Variants in WDFY4 observed in about 807,000 individuals in gnomAD.
The protein encoded by WDFY4 is WD repeat- and FYVE domain-containing protein 4.
In WDFY4, 169 loss-of-function variants were observed where a neutral mutation model predicts 351.9. The ratio of observed to expected loss-of-function variants is 0.48; its 90% confidence interval spans 0.42 to 0.55. WDFY4 has a LOEUF of 0.55. WDFY4 is among the 20% of genes least tolerant of loss of function. The pLI, the probability that WDFY4 is intolerant of heterozygous loss-of-function variation, is 0.00. For missense variants in WDFY4, 3,803 were observed against 3,935.6 expected (o/e 0.97, Z 0.90); for synonymous variants, 1,622 against 1,574.6 (o/e 1.03, Z -0.71).
At chr10:48,901,205 A>G (rs1054295232) in intron 46 of WDFY4, among the ~76,000 whole-genome samples, 14 of 152,382 alleles carry the variant, frequency 9.2e-5, no homozygotes, top group Admixed American at 9.1e-4. Flanking sequence ...GAGCCTGCTC[A>G]TGCGGTTCTT....
intron 26 of WDFY4, among the ~76,000 whole-genome samples, 184 bp from the exon 27 acceptor site, chr10:48,805,820 G>A (rs1055855936): frequency 6.6e-6 from 1 of 152,186 alleles, no homozygotes. Context: ...GCCAGAGTTA[G>A]CGTCTCTGGT....
chr10:48,822,680 C>G (rs1424627669), intron 35 of WDFY4, 143 bp downstream of exon 35: 1 of 1,077,360 alleles, frequency 9.3e-7, no homozygotes, highest in Non-Finnish European at 1.2e-6. Context: ...GCCCTTTAGT[C>G]CCAGGTAATA....
At chr10:48,749,572 G>A (rs11101455) in intron 12 of WDFY4, among the ~76,000 whole-genome samples, 1,697 of 152,208 alleles carry the variant, frequency 0.011, 30 homozygotes, top group African/African-American at 0.038. Context: ...ACCATAGAAT[G>A]GAGTGCTTAC....
chr10:48,784,088 A>G (rs961493233), intron 19 of WDFY4, among the ~76,000 whole-genome samples: 3 of 152,206 alleles, frequency 2.0e-5, no homozygotes, highest in African/African-American at 7.2e-5. Context: ...TTAGTCATTT[A>G]TCCATTGAAA....
chr10:48,771,848 A>G (rs752936543), intron 13 of WDFY4, among the ~76,000 whole-genome samples: 6 of 152,224 alleles, frequency 3.9e-5, no homozygotes, highest in Non-Finnish European at 7.3e-5. Flanking sequence ...TTGAGAAAGA[A>G]TAGGAAGAGA....
intron 57 of WDFY4, among the ~76,000 whole-genome samples, chr10:48,972,731 A>G (rs1354795425): frequency 6.6e-6 from 1 of 152,238 alleles, no homozygotes; most frequent in Non-Finnish European, 1.5e-5. Flanking sequence ...AATTATGTAC[A>G]GTGACATGGT....
chr10:48,956,253 T>A (rs898383875), intron 51 of WDFY4, among the ~76,000 whole-genome samples: 1 of 152,252 alleles, frequency 6.6e-6, no homozygotes, highest in Non-Finnish European at 1.5e-5. Flanking sequence ...CCAGGCCACC[T>A]GTGGCCATGG....
intron 33 of WDFY4, 54 bp downstream of exon 33, chr10:48,820,491 C>A (rs1392713995): frequency 6.6e-7 from 1 of 1,526,574 alleles, no homozygotes; most frequent in Non-Finnish European, 8.9e-7. Context: ...GCCGGCATAC[C>A]GGCACTGCAA....
At chr10:48,734,901 G>A (rs981392257) in intron 10 of WDFY4, among the ~76,000 whole-genome samples, 16 of 150,266 alleles carry the variant, frequency 1.1e-4, no homozygotes, top group Non-Finnish European at 2.4e-4. Flanking sequence ...TCAACCTCCC[G>A]AGTAGCTGGG....
rs190088975 is a variant in WDFY4, at chr10:48,780,536, G to A, written c.3576+417G>A. ...AACGCAGCTCATCTTTGCACCACAC[G>A]GAGGAGCAGGACACTAGAGTGGGCA... is the stretch of plus-strand genomic sequence containing the variant. On this transcript the variant is annotated intron_variant, in intron 19 of 61. Coordinates refer to ENST00000325239, the MANE Select transcript of WDFY4 (RefSeq NM_001394531.1). Among the ~76,000 whole-genome samples, 10 of 152,338 alleles carry A rather than the reference G, an allele frequency of 6.6e-5. No individual in the cohort carries two copies. The East Asian group carries it at 1.7e-3, about 26-fold the overall frequency.
intron 47 of WDFY4, among the ~76,000 whole-genome samples, chr10:48,915,697 C>T (rs181479739): frequency 1.6e-4 from 24 of 152,296 alleles, no homozygotes; most frequent in African/African-American, 5.5e-4. Flanking sequence ...CCACTGTCAC[C>T]ACTCATAGCT....
rs1840889407 is a variant in WDFY4, at chr10:48,943,511, C to A, written c.7749+62C>A. On this transcript the variant is annotated intron_variant, in intron 49 of 61. Transcript: ENST00000325239. ...GTGTTCGGACGTTGATAACAGAGACCCTAAGTCAGCATGCAGAGCCTCTGC... is the reference window on the plus strand; with the variant it reads ...GTGTTCGGACGTTGATAACAGAGACACTAAGTCAGCATGCAGAGCCTCTGC... 4 of 1,505,050 alleles carry A rather than the reference C, an allele frequency of 2.7e-6. No individual in the cohort carries two copies. The African/African-American group carries it at 4.2e-5, about 16-fold the overall frequency. 93.2% of individuals were successfully genotyped at this position (1,505,050 alleles called of 1,614,324 possible).
intron 13 of WDFY4, among the ~76,000 whole-genome samples, chr10:48,764,692 AG>A (rs2065613371): frequency 6.6e-6 from 1 of 152,252 alleles, no homozygotes; most frequent in South Asian, 2.1e-4. Flanking sequence ...AGTTTAGCAG[AG>A]GTTGGAGCCA....
chr10:48,846,391 T>A (rs553687733), intron 39 of WDFY4, among the ~76,000 whole-genome samples: 1 of 152,312 alleles, frequency 6.6e-6, no homozygotes, highest in Admixed American at 6.5e-5. Context: ...CGGTGTGGCC[T>A]CCTCTGTGGG....
chr10:48,932,665 A>C (rs1259930688), intron 47 of WDFY4: 1 of 150,852 alleles, frequency 6.6e-6, no homozygotes. Flanking sequence ...AAAGAGGGAG[A>C]GAGAGAGAAA....
At chr10:48,963,379 C>T (rs1318739542) in intron 53 of WDFY4, among the ~76,000 whole-genome samples, 1 of 152,200 alleles carries the variant, frequency 6.6e-6, no homozygotes, top group Admixed American at 6.5e-5. Context: ...GTGTACATGG[C>T]AGCACCCACA....
At chr10:48,902,360 GT>G (rs146183708) in intron 47 of WDFY4, among the ~76,000 whole-genome samples, 2 of 152,292 alleles carry the variant, frequency 1.3e-5, no homozygotes, top group African/African-American at 4.8e-5. Context: ...CCGCCGCCAG[GT>G]CCCCTTTCCA....
Position 48,743,066 on chromosome 10 carries a change from C to T in WDFY4, c.1977C>T (p.Gly659=). ...GLLSLLSDLE[G]SLQEPPLQAW... ...TGTCTCTGCTCTCTGACCTGGAAGG[C>T]TCCCTCCAGGAGCCCCCGCTGCAGG... is the stretch of plus-strand genomic sequence containing the variant. The change falls in exon 12 of 62, where the codon GGC becomes GGT. Residue 659 remains glycine, a synonymous_variant. Coordinates refer to ENST00000325239, the MANE Select transcript of WDFY4 (RefSeq NM_001394531.1). 1 of 1,551,688 alleles carries T rather than the reference C, an allele frequency of 6.4e-7. No individual in the cohort carries two copies. The highest frequency in any genetic ancestry group is 8.7e-7 in the Non-Finnish European group (1 of 1,146,998).
chr10:48,761,446 G>A (rs541598541), intron 13 of WDFY4, among the ~76,000 whole-genome samples: 1 of 152,330 alleles, frequency 6.6e-6, no homozygotes, highest in East Asian at 1.9e-4. Flanking sequence ...TCCATGTGAT[G>A]TGTGGTGATA....
Sources: allele counts gnomAD v4.1 joint callset (sites outside exome capture counted in the v4.1 genomes callset), GRCh38; gene constraint gnomAD v4.1.1; transcripts MANE v1.5; gene names NCBI Gene and HGNC (gene_info 2026-07-23, HGNC 2026-07-21).